SLC16A7: variants seen among roughly 807,000 people sequenced by gnomAD.
SLC16A7 encodes the protein solute carrier family 16 member 7.
In SLC16A7, 33 loss-of-function variants were observed where a neutral mutation model predicts 34.9. The observed-to-expected ratio is 0.94, with a 90% CI of 0.72 to 1.26. SLC16A7 has a LOEUF of 1.26. Among genes scored for constraint, SLC16A7 ranks in the 50% most tolerant of loss-of-function variants. The pLI is 0.00. For missense variants in SLC16A7, 573 were observed against 578.1 expected, an observed-to-expected ratio of 0.99 and a Z score of 0.09; for synonymous variants, 201 against 206.6, an observed-to-expected ratio of 0.97 and a Z score of 0.23.
intron 3 of SLC16A7, among the ~76,000 whole-genome samples, chr12:59,743,797 C>A (rs1878592322): frequency 6.6e-6 from 1 of 152,108 alleles, no homozygotes; most frequent in Non-Finnish European, 1.5e-5. Context: ...ATCTTAAGCA[C>A]ATAGGATTTG....
Position 59,784,675 on chromosome 12 carries a change from C to T in SLC16A7, c.*4996C>T, listed in dbSNP as rs531017597. 4 of 152,282 alleles carry T rather than the reference C, an allele frequency of 2.6e-5. No individual in the cohort carries two copies. In the East Asian group the frequency reaches 7.7e-4, roughly 29 times the overall value. The allele number at this position is 152,282 out of a possible 1,614,324, so 9.4% of individuals were successfully genotyped here. ...CATCTAGACTTTTGCAGTCCTTAGA[C>T]TATAGTTCTCCTTAGCTCTATTCAA... On this transcript the variant is annotated 3_prime_UTR_variant, in exon 6 of 6. Coordinates refer to ENST00000547379, the MANE Select transcript of SLC16A7 (RefSeq NM_001270623.2).
chr12:59,776,166 G>A (rs1882737599), intron 5 of SLC16A7, among the ~76,000 whole-genome samples: 1 of 152,134 alleles, frequency 6.6e-6, no homozygotes, highest in Admixed American at 6.6e-5. Context: ...CATGTTTAGA[G>A]CATGACCAAA....
At chr12:59,637,534 A>G (rs148321947) in intron 1 of SLC16A7, among the ~76,000 whole-genome samples, 15 of 152,020 alleles carry the variant, frequency 9.9e-5, no homozygotes, top group Middle Eastern at 3.4e-3. Flanking sequence ...CATCAGTCAG[A>G]GGCATTAGAC....
chr12:59,640,139 C>G (rs1364140149), intron 1 of SLC16A7, among the ~76,000 whole-genome samples: 2 of 152,132 alleles, frequency 1.3e-5, no homozygotes. Flanking sequence ...GGCATGCCAC[C>G]TTCCCAGTAC....
chr12:59,644,660 TAACTA>T (rs1229468135), intron 1 of SLC16A7, among the ~76,000 whole-genome samples: 1 of 152,232 alleles, frequency 6.6e-6, no homozygotes, highest in Non-Finnish European at 1.5e-5. Flanking sequence ...AACTGGTACT[TAACTA>T]ATTTCTGATT....
At chr12:59,751,888 G>A (rs1164014139) in intron 3 of SLC16A7, among the ~76,000 whole-genome samples, 2 of 152,076 alleles carry the variant, frequency 1.3e-5, no homozygotes, top group Non-Finnish European at 2.9e-5. Flanking sequence ...TCACACGGCC[G>A]GGTACTCCTC....
chr12:59,645,374 G>T (rs1001352035), intron 1 of SLC16A7, among the ~76,000 whole-genome samples: 1 of 152,156 alleles, frequency 6.6e-6, no homozygotes, highest in African/African-American at 2.4e-5. Flanking sequence ...GTCACCACAT[G>T]CTGTGGGAGA....
chr12:59,599,191 G>A (rs1453223102), intron 1 of SLC16A7, among the ~76,000 whole-genome samples: 2 of 152,170 alleles, frequency 1.3e-5, no homozygotes, highest in African/African-American at 4.8e-5. Flanking sequence ...TAGAAAGAAG[G>A]AAAGAGGGAG....
rs1456668252 is a variant in SLC16A7 at position 59,784,517 on chromosome 12, AT to A, written c.*4842del. The A allele has an allele frequency of 6.6e-6, 1 of 152,152 alleles. No homozygotes were observed. The highest frequency in any genetic ancestry group is 1.9e-4 in the East Asian group (1 of 5,204). 9.4% of individuals were successfully genotyped at this position (152,152 alleles called of 1,614,324 possible). On this transcript the variant is annotated 3_prime_UTR_variant, in exon 6 of 6. Coordinates refer to ENST00000547379, the MANE Select transcript of SLC16A7 (RefSeq NM_001270623.2). ...GGTTTACCCATACAGTTACATATTA[AT>A]TTTCATCATTTAATACAACTTACCC... is the stretch of plus-strand genomic sequence containing the variant.
chr12:59,771,384 T>C, intron 4 of SLC16A7, 22 bp downstream of exon 4: 1 of 1,530,420 alleles, frequency 6.5e-7, no homozygotes. Flanking sequence ...AGTCTTCAGC[T>C]TATTCTTAAC....
Position 59,733,796 on chromosome 12 carries a change from T to A in SLC16A7, c.217+28778T>A, listed in dbSNP as rs953636893. ...AGAGCGAGCAAGGCAGAGAGGAGCTTCACTGAGCAACAAAACAACTCTTAG... is the reference window on the plus strand; with the variant it reads ...AGAGCGAGCAAGGCAGAGAGGAGCTACACTGAGCAACAAAACAACTCTTAG... On this transcript the variant is annotated intron_variant, in intron 3 of 5. Transcript: ENST00000547379. The A allele has an allele frequency of 5.0e-5, 23 of 455,890 alleles. No individual in the cohort carries two copies. The Admixed American group carries it at 5.2e-4, about 10-fold the overall frequency. 28.2% of individuals were successfully genotyped at this position (455,890 alleles called of 1,614,324 possible). A position where few individuals can be genotyped will look rare whatever the true frequency, so the allele number is the denominator to read the frequency against.
intron 1 of SLC16A7, among the ~76,000 whole-genome samples, chr12:59,650,213 C>G (rs566084631): frequency 6.6e-6 from 1 of 152,084 alleles, no homozygotes; most frequent in African/African-American, 2.4e-5. Context: ...TGTAGATTTA[C>G]TTGTTTCACA....
At chr12:59,639,230 C>G (rs188868629) in intron 1 of SLC16A7, among the ~76,000 whole-genome samples, 33 of 152,192 alleles carry the variant, frequency 2.2e-4, no homozygotes, top group African/African-American at 7.7e-4. Flanking sequence ...TCTCTCCTTA[C>G]AATGTTTTTA....
chr12:59,728,847 G>A (rs1237739579), intron 3 of SLC16A7, among the ~76,000 whole-genome samples: 1 of 152,180 alleles, frequency 6.6e-6, no homozygotes, highest in East Asian at 1.9e-4. Context: ...TTTATACTTT[G>A]TAGCGTACTT....
chr12:59,603,575 T>G (rs1366396229), intron 1 of SLC16A7, among the ~76,000 whole-genome samples: 3 of 152,208 alleles, frequency 2.0e-5, no homozygotes. Flanking sequence ...TCTGGATAGG[T>G]AGAATAATTT....
At chr12:59,693,883 G>C (rs556608240) in intron 2 of SLC16A7, among the ~76,000 whole-genome samples, 5 of 151,870 alleles carry the variant, frequency 3.3e-5, no homozygotes, top group African/African-American at 1.2e-4. Flanking sequence ...ACTAGTTGTG[G>C]TAGCAATTTG....
chr12:59,715,914 C>CAAAGCAAA (rs1874846208), intron 3 of SLC16A7, among the ~76,000 whole-genome samples: 1 of 152,168 alleles, frequency 6.6e-6, no homozygotes, highest in African/African-American at 2.4e-5. Context: ...TGCACAACCA[C>CAAAGCAAA]AAAGCTAATT....
rs370888904 is a variant in SLC16A7, at chr12:59,682,225, C to T, written c.-30-22547C>T. Among the ~76,000 whole-genome samples the T allele has an allele frequency of 1.3e-4, 20 of 152,220 alleles. No homozygotes were observed. The East Asian group carries it at 2.9e-3, about 22-fold the overall frequency. The stretch of plus-strand genomic sequence containing the variant: ...CAGATAATGATTCTAGCAGCAATGT[C>T]TGTTTTAGGATTGCATGAATAACAA... On this transcript the variant is annotated intron_variant, in intron 2 of 5. Coordinates refer to ENST00000547379, the MANE Select transcript of SLC16A7 (RefSeq NM_001270623.2).
chr12:59,641,653 C>T lies in SLC16A7; in HGVS notation c.-129-13499C>T, dbSNP rs1880691984. 6.6e-5 allele frequency among the ~76,000 whole-genome samples: 10 copies of T among 151,864 alleles called. No individual in the cohort carries two copies. The South Asian group carries it at 2.1e-3, about 32-fold the overall frequency. ...TTCTAATATTTACATTGAAGGGAGC[C>T]ATTTTACATGGATATTTCTAATTTG... On this transcript the variant is annotated intron_variant, in intron 1 of 5. Transcript: ENST00000547379.
Sources: allele counts gnomAD v4.1 joint callset (sites outside exome capture counted in the v4.1 genomes callset), GRCh38; gene constraint gnomAD v4.1.1; transcripts MANE v1.5; gene names NCBI Gene and HGNC (gene_info 2026-07-23, HGNC 2026-07-21).